The following PCDH11X variants were observed in gnomAD, a reference collection of about 807,000 sequenced individuals.
The protein encoded by PCDH11X is protocadherin 11 X-linked.
A neutral mutation model predicts 53.3 loss-of-function variants in PCDH11X; 18 were observed. The ratio of observed to expected loss-of-function variants is 0.34; its 90% confidence interval spans 0.23 to 0.50. The LOEUF (loss-of-function observed/expected upper bound fraction) is 0.50, where lower values mean the gene tolerates loss of function less well. PCDH11X is among the 20% of genes least tolerant of loss of function. The probability of loss-of-function intolerance (pLI) is 0.98; values close to 1 mark genes in which losing one functional copy is unlikely to be tolerated. For synonymous variants in PCDH11X, 279 were observed against 393.3 expected, an observed-to-expected ratio of 0.71 and a Z score of 3.44; for missense variants, 570 against 1,032.4, an observed-to-expected ratio of 0.55 and a Z score of 6.14.
At chrX:91,942,550 A>C (rs1409694410) in intron 6 of PCDH11X, among the ~76,000 whole-genome samples, 1 of 110,837 alleles carries the variant, frequency 9.0e-6, no homozygotes, top group Non-Finnish European at 1.9e-5. Flanking sequence ...TATTAAGGAA[A>C]TGGAATTCCT....
chrX:92,597,300 C>G (rs1452890446), intron 10 of PCDH11X, among the ~76,000 whole-genome samples: 4 of 96,007 alleles, frequency 4.2e-5, no homozygotes, highest in Non-Finnish European at 8.3e-5. Context: ...GCAAAAAAAC[C>G]ATTAGAACTG....
Position 92,411,211 on chromosome X carries a change from T to A in PCDH11X, c.3343+23278T>A, listed in dbSNP as rs2071638337. Among the ~76,000 whole-genome samples, 3 of 110,289 alleles carry A rather than the reference T, an allele frequency of 2.7e-5. No individual in the cohort carries two copies. The Admixed American group carries it at 2.9e-4, about 11-fold the overall frequency. On this transcript the variant is annotated intron_variant, in intron 9 of 10. Coordinates refer to ENST00000682573, the MANE Select transcript of PCDH11X (RefSeq NM_032968.5). Reference sequence around the variant, plus strand: ...AGTAGGTCAATGCTATAAATACACATTAACGTTATATTTCCCCTTAGGTTG... The same window carrying A: ...AGTAGGTCAATGCTATAAATACACAATAACGTTATATTTCCCCTTAGGTTG...
At chrX:92,246,455 C>T (rs1271991715) in intron 7 of PCDH11X, among the ~76,000 whole-genome samples, 1 of 111,068 alleles carries the variant, frequency 9.0e-6, no homozygotes, top group Non-Finnish European at 1.9e-5. Flanking sequence ...CGGGTTCAAA[C>T]GATTCTCCTG....
intron 6 of PCDH11X, among the ~76,000 whole-genome samples, chrX:91,914,456 G>A (rs971970167): frequency 4.5e-5 from 5 of 111,248 alleles, no homozygotes; most frequent in African/African-American, 1.6e-4. Context: ...AGCTACTCAA[G>A]GAGATACCAC....
intron 10 of PCDH11X, among the ~76,000 whole-genome samples, chrX:92,500,232 C>G (rs2073937843): frequency 9.0e-6 from 1 of 111,342 alleles, no homozygotes; most frequent in Non-Finnish European, 1.9e-5. Context: ...GATCATATTT[C>G]AGGGATCTGA....
intron 9 of PCDH11X, among the ~76,000 whole-genome samples, chrX:92,445,905 A>T (rs754586003): frequency 7.7e-4 from 86 of 111,303 alleles, no homozygotes; most frequent in African/African-American, 2.6e-3. Context: ...ATTTGGAATG[A>T]AAAAGCAAAC....
chrX:92,073,469 CAT>C (rs1393176681), intron 6 of PCDH11X, among the ~76,000 whole-genome samples: 1 of 112,346 alleles, frequency 8.9e-6, no homozygotes, highest in Non-Finnish European at 1.9e-5. Context: ...ATTCTCATTC[CAT>C]ATCTAATACA....
intron 6 of PCDH11X, among the ~76,000 whole-genome samples, chrX:92,100,585 G>T (rs191654526): frequency 4.6e-4 from 51 of 110,893 alleles, no homozygotes; most frequent in African/African-American, 1.6e-3. Flanking sequence ...GTGGGGCAGG[G>T]CATATTCACT....
intron 6 of PCDH11X, among the ~76,000 whole-genome samples, chrX:92,081,881 A>T (rs1207443717): frequency 8.9e-6 from 1 of 111,822 alleles, no homozygotes; most frequent in Non-Finnish European, 1.9e-5. Flanking sequence ...AGCAAAATAG[A>T]CCAAAAATAT....
chrX:91,791,226 T>G (rs1481315320), intron 1 of PCDH11X, among the ~76,000 whole-genome samples: 3 of 110,744 alleles, frequency 2.7e-5, no homozygotes, highest in Non-Finnish European at 3.8e-5. Flanking sequence ...AACAGTTTTC[T>G]GTATTGGTCT....
chrX:92,257,400 T>TGAGAGTCTTTC (rs2067616722), intron 7 of PCDH11X, among the ~76,000 whole-genome samples: 1 of 111,209 alleles, frequency 9.0e-6, no homozygotes, highest in Non-Finnish European at 1.9e-5. Flanking sequence ...TTTCTCACAT[T>TGAGAGTCTTTC]TCAAAATAAA....
intron 6 of PCDH11X, among the ~76,000 whole-genome samples, chrX:92,154,010 T>C (rs2148245292): frequency 9.0e-6 from 1 of 111,474 alleles, no homozygotes; most frequent in African/African-American, 3.3e-5. Flanking sequence ...ATATGAGCCA[T>C]AAATGAGCAG....
At chrX:92,108,447 T>C (rs2064433066) in intron 6 of PCDH11X, among the ~76,000 whole-genome samples, 1 of 112,023 alleles carries the variant, frequency 8.9e-6, no homozygotes, top group Admixed American at 9.5e-5. Context: ...TAGAAAAATA[T>C]AAAACACTGT....
rs1315939221 is a variant in PCDH11X at position 92,132,685 on chromosome X, A to G, written c.3034-68690A>G. ...TATATATATGTATATGTATATATAT[A>G]TGTATATATATATATATATATGTAT... is the stretch of plus-strand genomic sequence containing the variant. On this transcript the variant is annotated intron_variant, in intron 6 of 10. Coordinates refer to ENST00000682573, the MANE Select transcript of PCDH11X (RefSeq NM_032968.5). Among the ~76,000 whole-genome samples, 12 of 79,789 alleles carry G rather than the reference A, an allele frequency of 1.5e-4. 1 individual carries two copies. The highest frequency in any genetic ancestry group is 7.0e-4 in the African/African-American group (12 of 17,032). 69.3% of individuals were successfully genotyped at this position (79,789 alleles called of 115,157 possible).
At chrX:92,148,675 C>CT (rs1231078584) in intron 6 of PCDH11X, among the ~76,000 whole-genome samples, 3 of 108,057 alleles carry the variant, frequency 2.8e-5, no homozygotes, top group African/African-American at 3.4e-5. Flanking sequence ...AGCCACTTAA[C>CT]TTTTTTTTTC....
intron 6 of PCDH11X, among the ~76,000 whole-genome samples, chrX:92,012,448 C>T (rs2062708717): frequency 9.0e-6 from 1 of 111,304 alleles, no homozygotes; most frequent in African/African-American, 3.3e-5. Flanking sequence ...ACTTTTTTCC[C>T]TTAAAAATGT....
chrX:92,432,130 T>A (rs765615474), intron 9 of PCDH11X, among the ~76,000 whole-genome samples: 11 of 110,436 alleles, frequency 1.0e-4, no homozygotes, highest in South Asian at 7.5e-4. Context: ...TTATTTTCTT[T>A]TTTCTTCCTT....
At chrX:91,866,180 C>CTT (rs1231726310) in intron 5 of PCDH11X, among the ~76,000 whole-genome samples, 15 of 110,535 alleles carry the variant, frequency 1.4e-4, no homozygotes, top group Admixed American at 3.9e-4. Flanking sequence ...AAAGGTGTCT[C>CTT]TTTTGGAGCC....
At chrX:92,175,621 GTATC>G (rs1218266021) in intron 6 of PCDH11X, among the ~76,000 whole-genome samples, 4 of 108,643 alleles carry the variant, frequency 3.7e-5, no homozygotes, top group Admixed American at 1.0e-4. Flanking sequence ...ATCTATCTAT[GTATC>G]TATCTATACA....
Sources: allele counts gnomAD v4.1 joint callset (sites outside exome capture counted in the v4.1 genomes callset), GRCh38; gene constraint gnomAD v4.1.1; transcripts MANE v1.5; gene names NCBI Gene and HGNC (gene_info 2026-07-23, HGNC 2026-07-21).